Variants in PCDH15 observed in about 807,000 individuals in gnomAD.
PCDH15 encodes protocadherin related 15, also known as protocadherin-15.
PCDH15 carries 129 observed loss-of-function variants against 178.5 expected under a neutral mutation model. The observed-to-expected ratio is 0.72, with a 90% confidence interval of 0.63 to 0.84. The LOEUF (loss-of-function observed/expected upper bound fraction) is 0.84. PCDH15 is among the 40% of genes least tolerant of loss of function. The pLI is 0.00. For synonymous variants in PCDH15, 800 were observed against 732.0 expected, an observed-to-expected ratio of 1.09 and a Z score of -1.50; for missense variants, 2,230 against 2,099.9, an observed-to-expected ratio of 1.06 and a Z score of -1.21.
chr10:54,592,459 G>A (rs1046153545), intron 2 of PCDH15, among the ~76,000 whole-genome samples: 1 of 151,978 alleles, frequency 6.6e-6, no homozygotes, highest in African/African-American at 2.4e-5. Flanking sequence ...CATACATTGT[G>A]AAATGATCAT....
rs541471917 is a variant in PCDH15, at chr10:54,992,524, G to A, written c.-79-95024C>T. Among the ~76,000 whole-genome samples the A allele has an allele frequency of 1.1e-4, 17 of 152,092 alleles. No homozygotes were observed. In the South Asian group the frequency reaches 2.1e-3, roughly 19 times the overall value. On this transcript the variant is annotated intron_variant, in intron 2 of 5. Transcript: ENST00000458638. Reference sequence around the variant, plus strand: ...TCCCAGCACTTTGGGAGGCCGAGGCGGGCAGATCACAAGGTCAGGAGATTG... The same window carrying A: ...TCCCAGCACTTTGGGAGGCCGAGGCAGGCAGATCACAAGGTCAGGAGATTG...
At chr10:54,421,216 C>T (rs1774654) in intron 3 of PCDH15, among the ~76,000 whole-genome samples, 31,991 of 151,598 alleles carry the variant, frequency 0.21, 4,271 homozygotes, top group African/African-American at 0.38. Flanking sequence ...CATTAAAACA[C>T]GAGATCACTA....
chr10:55,063,916 C>T (rs978330341), intron 2 of PCDH15, among the ~76,000 whole-genome samples: 3 of 152,076 alleles, frequency 2.0e-5, no homozygotes, highest in African/African-American at 7.2e-5. Context: ...AGGCTGTTGG[C>T]TTGAATATTT....
intron 2 of PCDH15, among the ~76,000 whole-genome samples, chr10:55,024,221 T>C (rs1307859591): frequency 1.4e-5 from 2 of 147,082 alleles, no homozygotes; most frequent in African/African-American, 2.5e-5. Flanking sequence ...AAGGAATATA[T>C]ATTTCTTTCT....
At chr10:55,594,017 T>A (rs1471867384) in intron 2 of PCDH15, among the ~76,000 whole-genome samples, 2 of 151,872 alleles carry the variant, frequency 1.3e-5, no homozygotes, top group East Asian at 3.9e-4. Flanking sequence ...AGAGTGCTTG[T>A]GTCCTAAACT....
chr10:55,504,730 A>G lies in PCDH15; in HGVS notation c.-156+122895T>C, dbSNP rs140573698. 6.6e-5 allele frequency among the ~76,000 whole-genome samples: 10 copies of G among 151,532 alleles called. No individual in the cohort carries two copies. The East Asian group carries it at 1.8e-3, about 27-fold the overall frequency. On this transcript the variant is annotated intron_variant, in intron 2 of 5. Coordinates refer to the PCDH15 transcript ENST00000613346. Reference sequence around the variant, plus strand: ...ACATTACATCAGGTAATATTTTCATATTATACTGTTATTTTTATATCTGTA... The same window carrying G: ...ACATTACATCAGGTAATATTTTCATGTTATACTGTTATTTTTATATCTGTA...
intron 3 of PCDH15, among the ~76,000 whole-genome samples, chr10:54,514,373 T>G (rs1381291033): frequency 2.0e-5 from 3 of 152,114 alleles, no homozygotes; most frequent in Admixed American, 6.6e-5. Flanking sequence ...TAGTGATTTT[T>G]AATCAGATAA....
At chr10:55,445,758 T>C (rs1462170274) in intron 2 of PCDH15, among the ~76,000 whole-genome samples, 1 of 152,102 alleles carries the variant, frequency 6.6e-6, no homozygotes, top group East Asian at 1.9e-4. Flanking sequence ...CAGATGTAGG[T>C]AGGTGATGAA....
At chr10:54,513,759 T>C (rs1254323642) in intron 3 of PCDH15, among the ~76,000 whole-genome samples, 1 of 152,170 alleles carries the variant, frequency 6.6e-6, no homozygotes, top group Non-Finnish European at 1.5e-5. Flanking sequence ...GAAACTCATG[T>C]TAATGTTAAT....
chr10:54,965,410 A>G (rs1838758715), intron 2 of PCDH15, among the ~76,000 whole-genome samples: 1 of 152,052 alleles, frequency 6.6e-6, no homozygotes, highest in African/African-American at 2.4e-5. Context: ...GTTTTCCTGC[A>G]CACATTCTTC....
At chr10:53,988,820 T>G (rs563035440) in intron 21 of PCDH15, among the ~76,000 whole-genome samples, 1 of 152,204 alleles carries the variant, frequency 6.6e-6, no homozygotes, top group African/African-American at 2.4e-5. Flanking sequence ...AGGTATATTC[T>G]TATTCCCCAC....
chr10:55,307,098 A>G (rs1383530460), intron 1 of PCDH15, among the ~76,000 whole-genome samples: 1 of 151,966 alleles, frequency 6.6e-6, no homozygotes, highest in African/African-American at 2.4e-5. Flanking sequence ...TTTTTCTGCT[A>G]TGTAATATGT....
intron 15 of PCDH15, among the ~76,000 whole-genome samples, chr10:54,096,446 A>T (rs752477603): frequency 4.0e-5 from 6 of 151,896 alleles, no homozygotes; most frequent in Non-Finnish European, 8.8e-5. Context: ...TTTTTTGCTC[A>T]TTGTCAGTCT....
intron 18 of PCDH15, among the ~76,000 whole-genome samples, chr10:54,032,120 C>T (rs1018377446): frequency 2.6e-5 from 4 of 151,570 alleles, no homozygotes; most frequent in Admixed American, 6.6e-5. Context: ...TCTCTGTGGG[C>T]GAACATATTC....
At chr10:55,366,809 C>A (rs982727892) in intron 2 of PCDH15, among the ~76,000 whole-genome samples, 18 of 152,026 alleles carry the variant, frequency 1.2e-4, no homozygotes, top group African/African-American at 4.1e-4. Context: ...CTGGCAGAAG[C>A]CTAAATGCGG....
chr10:54,789,587 C>A lies in PCDH15; in HGVS notation c.-29+11338G>T, dbSNP rs186650073. Among the ~76,000 whole-genome samples the A allele has an allele frequency of 7.2e-5, 11 of 151,948 alleles. No individual in the cohort carries two copies. The East Asian group carries it at 1.7e-3, about 24-fold the overall frequency. On this transcript the variant is annotated intron_variant, in intron 1 of 37. Transcript: ENST00000644397. ...ATCACTATTTTACAGTGAAAATTGG[C>A]ATATTTATGATATGTTGACATTAAG...
intron 2 of PCDH15, among the ~76,000 whole-genome samples, chr10:55,448,276 C>T (rs569721032): frequency 1.3e-5 from 2 of 151,930 alleles, no homozygotes; most frequent in African/African-American, 2.4e-5. Flanking sequence ...CAAGACTAAG[C>T]GCAAAAACTT....
chr10:54,685,292 A>G (rs2094975834), intron 1 of PCDH15, among the ~76,000 whole-genome samples: 1 of 152,194 alleles, frequency 6.6e-6, no homozygotes, highest in South Asian at 2.1e-4. Flanking sequence ...GAGATGAAGT[A>G]CACTCTAAAA....
In PCDH15 at chr10:53,805,459, C is replaced by T. The variant is rs1470471101; in HGVS notation, c.*1120G>A. The T allele has an allele frequency of 1.3e-5, 2 of 151,908 alleles. No individual in the cohort carries two copies. The highest frequency in any genetic ancestry group is 2.9e-5 in the Non-Finnish European group (2 of 67,926). 9.4% of individuals were successfully genotyped at this position (151,908 alleles called of 1,614,324 possible). On this transcript the variant is annotated 3_prime_UTR_variant, in exon 38 of 38. Transcript: ENST00000644397. ...TTGTTCAATGGTAAAAAATCAAGAC[C>T]ATGTTCTTTGATTTTAAAAAATGCC...
Sources: gnomAD v4.1 joint callset for allele counts (sites outside exome capture counted in the v4.1 genomes callset) on GRCh38, gnomAD v4.1.1 for gene constraint, MANE v1.5 for transcripts, NCBI Gene and HGNC (gene_info 2026-07-23, HGNC 2026-07-21) for gene names.